Variants in RADIL observed in about 807,000 individuals in gnomAD.
RADIL encodes the protein ras-associating and dilute domain-containing protein.
In RADIL, 99 loss-of-function variants were observed where a neutral mutation model predicts 97.6. The ratio of observed to expected loss-of-function variants is 1.01; its 90% CI spans 0.86 to 1.20. The LOEUF (loss-of-function observed/expected upper bound fraction) is 1.20. RADIL is among the 50% of genes most tolerant of loss of function. The pLI is 0.00. For synonymous variants in RADIL, 803 were observed against 691.8 expected (o/e 1.16, Z -2.52); for missense variants, 1,765 against 1,498.9 (o/e 1.18, Z -2.93).
chr7:4,832,353 C>T, intron 4 of RADIL, 175 bp from the exon 5 acceptor site: 1 of 643,330 alleles, frequency 1.6e-6, no homozygotes, highest in Admixed American at 2.3e-5. Context: ...GTGACTTCAA[C>T]ATCTTCCCAT....
chr7:4,875,447 T>G (rs1784354377), intron 2 of RADIL, among the ~76,000 whole-genome samples: 1 of 150,446 alleles, frequency 6.6e-6, no homozygotes, highest in South Asian at 2.1e-4. Context: ...TCCTGCAACA[T>G]GCACTCTGGC....
At chr7:4,832,280 C>T in intron 4 of RADIL, 102 bp from the exon 5 acceptor site, 2 of 1,141,478 alleles carry the variant, frequency 1.8e-6, no homozygotes, top group South Asian at 2.6e-5. Flanking sequence ...AGCCATGCTG[C>T]CCCAGGCATC....
intron 2 of RADIL, among the ~76,000 whole-genome samples, chr7:4,841,855 G>A (rs894930016): frequency 6.6e-6 from 1 of 152,194 alleles, no homozygotes; most frequent in Admixed American, 6.5e-5. Flanking sequence ...GATGGCTTGG[G>A]TTCAAGCCGA....
intron 11 of RADIL, among the ~76,000 whole-genome samples, chr7:4,803,341 T>C (rs1409428925): frequency 3.2e-4 from 15 of 47,248 alleles, no homozygotes; most frequent in Admixed American, 7.6e-4. Context: ...GCTGGCTGGG[T>C]CCCCTCCCCG....
At chr7:4,809,122 G>A (rs1274246935) in intron 9 of RADIL, 12 of 984,710 alleles carry the variant, frequency 1.2e-5, no homozygotes, top group Non-Finnish European at 1.4e-5. Context: ...CAGGACAGGC[G>A]CTTCCTGGCC....
intron 1 of RADIL, among the ~76,000 whole-genome samples, chr7:4,881,952 C>T (rs1169199526): frequency 6.6e-6 from 1 of 151,998 alleles, no homozygotes; most frequent in African/African-American, 2.4e-5. Context: ...CCACTTCCCC[C>T]CACCCCTGCT....
rs1783990359 is a variant in RADIL at position 4,861,404 on chromosome 7, G to C, written c.535+16201C>G. 5 of 1,614,166 alleles carry C rather than the reference G, an allele frequency of 3.1e-6. No homozygotes were observed. Among genetic ancestry groups the C allele is most frequent in the African/African-American group, 2.7e-5 (2 of 75,060 alleles). On this transcript the variant is annotated intron_variant, in intron 2 of 14. Coordinates refer to ENST00000399583, the MANE Select transcript of RADIL (RefSeq NM_018059.5). ...CACTTCCTCCTGTAGTTTCAGTTTA[G>C]CATAGAATGAGGTGAAAAAGTCGCT... is the stretch of plus-strand genomic sequence containing the variant.
At chr7:4,810,715 G>T (rs1020408083) in intron 9 of RADIL, among the ~76,000 whole-genome samples, 1 of 152,214 alleles carries the variant, frequency 6.6e-6, no homozygotes, top group South Asian at 2.1e-4. Context: ...GCTGCCAGAC[G>T]GCTTTCCAAA....
intron 5 of RADIL, among the ~76,000 whole-genome samples, chr7:4,825,614 C>T (rs561090394): frequency 3.9e-5 from 6 of 152,264 alleles, no homozygotes; most frequent in South Asian, 2.1e-4. Flanking sequence ...CGGTGGCTCA[C>T]GCCTGTAATC....
At chr7:4,860,414 T>C (rs1381318987) in intron 2 of RADIL, 3 of 1,613,948 alleles carry the variant, frequency 1.9e-6, no homozygotes, top group Non-Finnish European at 2.5e-6. Context: ...ATAAACAGTA[T>C]CTGTGAAAGA....
At chr7:4,802,646 C>T (rs1349458799) in intron 11 of RADIL, among the ~76,000 whole-genome samples, 1 of 129,904 alleles carries the variant, frequency 7.7e-6, no homozygotes, top group Admixed American at 7.5e-5. Flanking sequence ...CCCCGGGCAC[C>T]TCGGGGCACT....
chr7:4,833,964 G>T (rs977376889), intron 4 of RADIL, among the ~76,000 whole-genome samples: 2 of 152,154 alleles, frequency 1.3e-5, no homozygotes, highest in Non-Finnish European at 2.9e-5. Flanking sequence ...GCATCTAGGG[G>T]TGGAGGCCGG....
chr7:4,805,182 T>C (rs1452890193), intron 10 of RADIL: 5 of 234,672 alleles, frequency 2.1e-5, no homozygotes, highest in Non-Finnish European at 4.2e-5. Flanking sequence ...CATGTGTGTG[T>C]GCGTGTGCAC....
At position 4,815,722 on chromosome 7, in the gene RADIL, C is replaced by T. The variant is rs1198978830; in HGVS notation, c.1967-272G>A. On this transcript the variant is annotated intron_variant, in intron 8 of 14. Coordinates refer to ENST00000399583, the MANE Select transcript of RADIL (RefSeq NM_018059.5). This position sits in a 1 kb window ranked among gnomAD's most constrained non-coding sequence, Gnocchi z 8.0. ...CAGTGCAGCCCCTAGCTGGGACCCTCTCCCACTCCCAGACACATGTGCCGG... is the reference window on the plus strand; with the variant it reads ...CAGTGCAGCCCCTAGCTGGGACCCTTTCCCACTCCCAGACACATGTGCCGG... Among the ~76,000 whole-genome samples, 1 of 152,180 alleles carries T rather than the reference C, an allele frequency of 6.6e-6. No individual in the cohort carries two copies. The highest frequency in any genetic ancestry group is 1.5e-5 in the Non-Finnish European group (1 of 68,024).
rs755584689 is a variant in RADIL at position 4,860,502 on chromosome 7, T to A, written c.535+17103A>T. On this transcript the variant is annotated intron_variant, in intron 2 of 14. Coordinates refer to ENST00000399583, the MANE Select transcript of RADIL (RefSeq NM_018059.5). ...TTTAGCCCTAACCCAATCACCCACATTGTACGAAATTCTTCCATATCAGGA... is the reference window on the plus strand; with the variant it reads ...TTTAGCCCTAACCCAATCACCCACAATGTACGAAATTCTTCCATATCAGGA... 8.7e-6 allele frequency: 14 copies of A among 1,614,142 alleles called. No homozygotes were observed. The highest frequency in any genetic ancestry group is 1.1e-5 in the Non-Finnish European group (13 of 1,179,968).
At chr7:4,839,137 A>G (rs1783380705) in intron 2 of RADIL, among the ~76,000 whole-genome samples, 1 of 152,248 alleles carries the variant, frequency 6.6e-6, no homozygotes, top group Admixed American at 6.5e-5. Context: ...ACGTGATGTA[A>G]CACATGATAT....
At chr7:4,861,312 T>C (rs1232244478) in intron 2 of RADIL, 3 of 1,613,996 alleles carry the variant, frequency 1.9e-6, no homozygotes, top group Admixed American at 1.7e-5. Flanking sequence ...AAAATATCAA[T>C]CTCTATCCCA....
At position 4,800,184 on chromosome 7, in the gene RADIL, A is replaced by G; in HGVS notation, c.2969T>C (p.Leu990Pro). The G allele has an allele frequency of 6.2e-7, 1 of 1,608,802 alleles. No homozygotes were observed. Reference sequence around the variant, plus strand: ...TGGGCCACTCACCATCCCGTCGATCAGGCCCATCCCCAGCCCGGAGGGGCC... The same window carrying G: ...TGGGCCACTCACCATCCCGTCGATCGGGCCCATCCCCAGCCCGGAGGGGCC... ...ERGPSGLGMG[L>P]IDGMHTHLGA... Residue 990 changes from leucine to proline, a missense_variant, in exon 13 of 15, where the codon CTG (leucine) becomes CCG (proline). Coordinates refer to ENST00000399583, the MANE Select transcript of RADIL (RefSeq NM_018059.5).
chr7:4,874,996 T>C (rs1020518613), intron 2 of RADIL, among the ~76,000 whole-genome samples: 5 of 149,800 alleles, frequency 3.3e-5, no homozygotes, highest in African/African-American at 1.3e-4. Context: ...ATGGAGACCA[T>C]CCTGGCTAAC....
Sources: allele counts gnomAD v4.1 joint callset (sites outside exome capture counted in the v4.1 genomes callset), GRCh38; gene constraint gnomAD v4.1.1; non-coding constraint Gnocchi (gnomAD v3.1); transcripts MANE v1.5; gene names NCBI Gene and HGNC (gene_info 2026-07-23, HGNC 2026-07-21).